Variants in DNAH9 observed in about 807,000 individuals in gnomAD.
The protein encoded by DNAH9 is DNAH9 variant protein.
DNAH9 carries 345 observed loss-of-function variants against 471.6 expected under a neutral mutation model. The observed-to-expected ratio is 0.73, with a 90% CI of 0.67 to 0.80. The LOEUF (loss-of-function observed/expected upper bound fraction) is 0.80, where lower values mean the gene tolerates loss of function less well. Among genes scored for constraint, DNAH9 ranks in the 30% least tolerant of loss-of-function variants. The pLI is 0.00. For synonymous variants in DNAH9, 2,093 were observed against 2,123.6 expected (o/e 0.99, Z 0.40); for missense variants, 5,407 against 5,609.2 (o/e 0.96, Z 1.15).
At chr17:11,753,874 A>G (rs1006913234) in intron 33 of DNAH9, among the ~76,000 whole-genome samples, 10 of 152,178 alleles carry the variant, frequency 6.6e-5, no homozygotes, top group African/African-American at 2.2e-4. Flanking sequence ...AGGCAAACTC[A>G]TGTCACAGGG....
chr17:11,929,162 G>T (rs1244796614), intron 62 of DNAH9, among the ~76,000 whole-genome samples: 1 of 151,394 alleles, frequency 6.6e-6, no homozygotes, highest in Non-Finnish European at 1.5e-5. Context: ...AGCCTCCTGA[G>T]TAGCTGGGAC....
intron 36 of DNAH9, among the ~76,000 whole-genome samples, chr17:11,766,073 C>A (rs1967923943): frequency 6.6e-6 from 1 of 152,126 alleles, no homozygotes; most frequent in African/African-American, 2.4e-5. Flanking sequence ...GCCCTGCCAG[C>A]AACCTGGGAA....
intron 67 of DNAH9, among the ~76,000 whole-genome samples, chr17:11,955,683 G>C (rs1975606754): frequency 6.6e-6 from 1 of 152,202 alleles, no homozygotes; most frequent in Non-Finnish European, 1.5e-5. Context: ...CATAGGTGGA[G>C]TCAGGAGAAA....
rs1442040739 is a variant in DNAH9, at chr17:11,763,512, G to C, written c.7068G>C (p.Leu2356=). ...TGTGTCACCTTCTGGAATGTCTCCT[G>C]ACCACGGAGGACATCCCTGCAGACT... is the stretch of plus-strand genomic sequence containing the variant. ...QMVCHLLECL[L]TTEDIPADCP... Residue 2356 remains leucine, a synonymous_variant, in exon 36 of 69, where the codon CTG becomes CTC. Transcript: ENST00000262442. 2 of 1,613,974 alleles carry C rather than the reference G, an allele frequency of 1.2e-6. No homozygotes were observed. The highest frequency in any genetic ancestry group is 1.7e-6 in the Non-Finnish European group (2 of 1,179,956).
chr17:11,872,593 C>G (rs1254885702), intron 52 of DNAH9, among the ~76,000 whole-genome samples: 1 of 152,178 alleles, frequency 6.6e-6, no homozygotes, highest in Non-Finnish European at 1.5e-5. Flanking sequence ...TTGGCAAGTT[C>G]CCAGTCCACT....
chr17:11,813,933 A>G (rs1283503090), intron 45 of DNAH9, among the ~76,000 whole-genome samples: 1 of 152,204 alleles, frequency 6.6e-6, no homozygotes, highest in African/African-American at 2.4e-5. Context: ...CTGTATAAGA[A>G]CTAGAGTGGC....
At chr17:11,965,919 G>A (rs1226207909) in intron 68 of DNAH9, among the ~76,000 whole-genome samples, 9 of 146,760 alleles carry the variant, frequency 6.1e-5, no homozygotes, top group Admixed American at 2.1e-4. Context: ...AAATTATCCC[G>A]TTAGAAGAAA....
At position 11,752,824 on chromosome 17, in the gene DNAH9, T is replaced by G; in HGVS notation, c.6611-9T>G. 1 of 1,552,096 alleles carries G rather than the reference T, an allele frequency of 6.4e-7. No homozygotes were observed. The highest frequency in any genetic ancestry group is 8.7e-7 in the Non-Finnish European group (1 of 1,151,106). On this transcript the variant is annotated splice_polypyrimidine_tract_variant and intron_variant, in intron 32 of 68. Coordinates refer to ENST00000262442, the MANE Select transcript of DNAH9 (RefSeq NM_001372.4). ...AAATGGAAAATAAGGTGTCAGTGGTTCCTTTTAGGATTGTTCTCTTCCATC... is the reference window on the plus strand; with the variant it reads ...AAATGGAAAATAAGGTGTCAGTGGTGCCTTTTAGGATTGTTCTCTTCCATC...
At chr17:11,659,647 C>T (rs184278807) in intron 14 of DNAH9, among the ~76,000 whole-genome samples, 2 of 152,338 alleles carry the variant, frequency 1.3e-5, no homozygotes, top group East Asian at 3.9e-4. Flanking sequence ...AGAGCATATG[C>T]TAAACCGTCA....
intron 67 of DNAH9, among the ~76,000 whole-genome samples, chr17:11,960,464 C>CAAAAAAAAAAAAAAAAAAAAA (rs1976026483): frequency 1.2e-5 from 1 of 86,452 alleles, no homozygotes; most frequent in African/African-American, 4.6e-5. Flanking sequence ...AAAAAAAAAT[C>CAAAAAAAAAAAAAAAAAAAAA]CAAAAGTGGC....
intron 50 of DNAH9, among the ~76,000 whole-genome samples, chr17:11,861,372 G>A (rs1406463095): frequency 1.3e-5 from 2 of 150,652 alleles, no homozygotes; most frequent in Non-Finnish European, 3.0e-5. Flanking sequence ...TTTTATGGCT[G>A]CATAGTATTC....
intron 59 of DNAH9, among the ~76,000 whole-genome samples, chr17:11,898,148 C>T (rs1471603821): frequency 4.8e-5 from 7 of 146,520 alleles, no homozygotes; most frequent in Admixed American, 2.8e-4. Flanking sequence ...TTTTTTGAGG[C>T]GGAGTCTCGC....
chr17:11,691,961 G>A (rs58365477), intron 20 of DNAH9, among the ~76,000 whole-genome samples: 11 of 152,184 alleles, frequency 7.2e-5, no homozygotes, highest in South Asian at 6.2e-4. Context: ...GTGCCACCAC[G>A]CCCAGCTAAT....
chr17:11,648,070 GA>G (rs1195189255), intron 12 of DNAH9, among the ~76,000 whole-genome samples: 1 of 152,184 alleles, frequency 6.6e-6, no homozygotes, highest in African/African-American at 2.4e-5. Context: ...TAATGCTGGA[GA>G]AAAATGATAA....
intron 38 of DNAH9, among the ~76,000 whole-genome samples, chr17:11,777,810 C>T (rs1968494801): frequency 1.3e-5 from 2 of 152,200 alleles, no homozygotes; most frequent in Admixed American, 1.3e-4. Flanking sequence ...TCTCTCCCAC[C>T]TAATACCTTT....
intron 54 of DNAH9, 69 bp from the exon 55 acceptor site, chr17:11,881,140 C>T (rs1346674007): frequency 5.5e-6 from 8 of 1,454,292 alleles, no homozygotes; most frequent in Non-Finnish European, 7.7e-6. Flanking sequence ...TGAAAAAAAT[C>T]TCAAATTCTG....
At chr17:11,819,645 C>A (rs1970241615) in intron 45 of DNAH9, among the ~76,000 whole-genome samples, 1 of 151,966 alleles carries the variant, frequency 6.6e-6, no homozygotes, top group Non-Finnish European at 1.5e-5. Flanking sequence ...CTCCCAAAGT[C>A]CCTGCCTCCT....
intron 4 of DNAH9, among the ~76,000 whole-genome samples, chr17:11,616,328 A>G (rs934863654): frequency 6.6e-6 from 1 of 152,186 alleles, no homozygotes; most frequent in Non-Finnish European, 1.5e-5. Flanking sequence ...GTATATTTTG[A>G]GTTCCCTTTA....
chr17:11,946,793 G>A (rs957174737), intron 67 of DNAH9, among the ~76,000 whole-genome samples: 1 of 151,876 alleles, frequency 6.6e-6, no homozygotes, highest in African/African-American at 2.4e-5. Flanking sequence ...AATATTCCAG[G>A]GCTGTTTCAG....
Sources: allele counts gnomAD v4.1 joint callset (sites outside exome capture counted in the v4.1 genomes callset), GRCh38; gene constraint gnomAD v4.1.1; transcripts MANE v1.5; gene names NCBI Gene and HGNC (gene_info 2026-07-23, HGNC 2026-07-21).